Variants in IL1RAPL2 observed in about 807,000 individuals in gnomAD.
IL1RAPL2 encodes the protein X-linked interleukin-1 receptor accessory protein-like 2.
IL1RAPL2 carries 3 observed loss-of-function variants against 44.1 expected under a neutral mutation model. The observed-to-expected ratio is 0.07, with a 90% CI of 0.03 to 0.18. The LOEUF (loss-of-function observed/expected upper bound fraction) is 0.18, where lower values mean the gene tolerates loss of function less well. IL1RAPL2 is among the 10% of genes least tolerant of loss of function. IL1RAPL2 has a pLI of 1.00. For synonymous variants in IL1RAPL2, 181 were observed against 178.8 expected, an observed-to-expected ratio of 1.01 and a Z score of -0.10; for missense variants, 391 against 496.4, an observed-to-expected ratio of 0.79 and a Z score of 2.02.
At chrX:104,761,923 C>CCTTCTCCTTCTTCTT in intron 2 of IL1RAPL2, among the ~76,000 whole-genome samples, 1 of 30,812 alleles carries the variant, frequency 3.2e-5, no homozygotes, top group East Asian at 9.0e-4. Flanking sequence ...TTCTCCTTCT[C>CCTTCTCCTTCTTCTT]CTTCTTCTTC....
chrX:105,150,593 TTAGGCTGCCTCAGCCTTAGGG>T (rs2033218400), intron 2 of IL1RAPL2, among the ~76,000 whole-genome samples: 1 of 112,215 alleles, frequency 8.9e-6, no homozygotes, highest in Non-Finnish European at 1.9e-5. Context: ...CTGACAGTTC[TTAGGCTGCCTCAGCCTTAGGG>T]GAAAGAACTA....
At chrX:104,627,972 C>A (rs1929550451) in intron 1 of IL1RAPL2, among the ~76,000 whole-genome samples, 1 of 110,708 alleles carries the variant, frequency 9.0e-6, no homozygotes, top group South Asian at 3.8e-4. Context: ...CTTATTTGAC[C>A]AATTTTAAAT....
At chrX:105,500,795 T>C (rs2036389036) in intron 6 of IL1RAPL2, among the ~76,000 whole-genome samples, 1 of 111,866 alleles carries the variant, frequency 8.9e-6, no homozygotes. Flanking sequence ...CAAATTGTTT[T>C]ATTTTTGTTC....
intron 2 of IL1RAPL2, among the ~76,000 whole-genome samples, chrX:104,977,368 A>C (rs931877500): frequency 8.9e-6 from 1 of 112,095 alleles, no homozygotes; most frequent in Admixed American, 9.5e-5. Flanking sequence ...GGATCTGGAA[A>C]GGGCCTTTGG....
At chrX:104,927,618 C>T (rs945384391) in intron 2 of IL1RAPL2, among the ~76,000 whole-genome samples, 9 of 111,587 alleles carry the variant, frequency 8.1e-5, no homozygotes, top group African/African-American at 2.9e-4. Flanking sequence ...CAATATTATA[C>T]GAAATCTAAA....
intron 2 of IL1RAPL2, among the ~76,000 whole-genome samples, chrX:104,678,240 G>A (rs190287504): frequency 1.1e-4 from 12 of 112,418 alleles, no homozygotes; most frequent in African/African-American, 1.9e-4. Flanking sequence ...AATCTAGACC[G>A]TGGGATCCCA....
At chrX:105,385,991 C>T (rs1160961123) in intron 5 of IL1RAPL2, among the ~76,000 whole-genome samples, 1 of 111,263 alleles carries the variant, frequency 9.0e-6, no homozygotes, top group Non-Finnish European at 1.9e-5. Flanking sequence ...TTAACTTTTT[C>T]CAGGCTAGGA....
At position 105,004,431 on chromosome X, in the gene IL1RAPL2, CA is replaced by C. The variant is rs972160983; in HGVS notation, c.83-191036del. 4.6e-5 allele frequency among the ~76,000 whole-genome samples: 5 copies of C among 109,321 alleles called. No individual in the cohort carries two copies. In the East Asian group the frequency reaches 8.8e-4, roughly 19 times the overall value. 94.9% of individuals were successfully genotyped at this position (109,321 alleles called of 115,157 possible). On this transcript the variant is annotated intron_variant, in intron 2 of 10. Transcript: ENST00000372582. ...CGATGCATGAGGTAGACTTCTTTTT[CA>C]AAAAAAATTCCCATCTTGAGTCCTT... is the stretch of plus-strand genomic sequence containing the variant.
At chrX:104,738,019 T>C (rs1932044819) in intron 2 of IL1RAPL2, among the ~76,000 whole-genome samples, 1 of 112,236 alleles carries the variant, frequency 8.9e-6, no homozygotes, top group Non-Finnish European at 1.9e-5. Flanking sequence ...TGCAGTAAAA[T>C]ATCAGTCAGC....
chrX:104,698,643 G>A (rs1473650891), intron 2 of IL1RAPL2, among the ~76,000 whole-genome samples: 7 of 111,920 alleles, frequency 6.3e-5, no homozygotes, highest in East Asian at 2.8e-4. Flanking sequence ...AAATGCCTTC[G>A]GAAAGCAAGG....
chrX:105,173,604 A>G lies in IL1RAPL2; in HGVS notation c.83-21871A>G, dbSNP rs776831256. ...ACAAGAGGAGGCTGTGGCCTGGCCTAGGTAGTTGTGCCCTGGTAACCCATA... is the reference window on the plus strand; with the variant it reads ...ACAAGAGGAGGCTGTGGCCTGGCCTGGGTAGTTGTGCCCTGGTAACCCATA... On this transcript the variant is annotated intron_variant, in intron 2 of 10. Transcript: ENST00000372582. Among the ~76,000 whole-genome samples the G allele has an allele frequency of 4.5e-5, 5 of 111,486 alleles. No homozygotes were observed. The South Asian group carries it at 1.9e-3, about 43-fold the overall frequency.
chrX:105,332,755 G>A (rs1055269860), intron 5 of IL1RAPL2, among the ~76,000 whole-genome samples: 2 of 111,653 alleles, frequency 1.8e-5, no homozygotes, highest in Admixed American at 9.6e-5. Flanking sequence ...TTAAAAAGTA[G>A]TAGTCCAATT....
intron 2 of IL1RAPL2, among the ~76,000 whole-genome samples, chrX:104,961,437 C>G (rs995652859): frequency 1.8e-5 from 2 of 111,586 alleles, no homozygotes; most frequent in African/African-American, 6.5e-5. Context: ...GAAATGATAT[C>G]TGTTTTTCTG....
At chrX:105,447,394 TATATAAATATATAA>T (rs1346844582) in intron 5 of IL1RAPL2, among the ~76,000 whole-genome samples, 2 of 68,697 alleles carry the variant, frequency 2.9e-5, no homozygotes, top group Non-Finnish European at 4.7e-5. Flanking sequence ...TAAATATAAA[TATATAAATATATAA>T]ATATAAATAT....
intron 2 of IL1RAPL2, among the ~76,000 whole-genome samples, chrX:105,063,758 C>A (rs1359505906): frequency 8.9e-6 from 1 of 112,127 alleles, no homozygotes; most frequent in African/African-American, 3.2e-5. Flanking sequence ...TTAGGTGGCA[C>A]CCCAAGCCCA....
In IL1RAPL2 at chrX:105,195,590, G is replaced by A; in HGVS notation, c.198G>A (p.Thr66=). ...FYSYIRTNYS[T]AQSTGLRLMW... ...GTTATATTCGTACCAACTATAGCACGGCCCAGAGCACTGGGCTCAGGCTTA... is the reference window on the plus strand; with the variant it reads ...GTTATATTCGTACCAACTATAGCACAGCCCAGAGCACTGGGCTCAGGCTTA... The change falls in exon 3 of 11, where the codon ACG becomes ACA. Residue 66 remains threonine (T), a synonymous_variant. Coordinates refer to ENST00000372582, the MANE Select transcript of IL1RAPL2 (RefSeq NM_017416.2). The A allele has an allele frequency of 1.7e-6, 2 of 1,211,586 alleles. No homozygotes were observed. The highest frequency in any genetic ancestry group is 2.2e-6 in the Non-Finnish European group (2 of 895,228).
chrX:105,029,900 C>T (rs1433779742), intron 2 of IL1RAPL2, among the ~76,000 whole-genome samples: 1 of 111,434 alleles, frequency 9.0e-6, no homozygotes, highest in African/African-American at 3.3e-5. Context: ...TCTCCACATC[C>T]TCTCCAGAAC....
At chrX:104,910,653 C>T (rs1179255889) in intron 2 of IL1RAPL2, among the ~76,000 whole-genome samples, 1 of 111,377 alleles carries the variant, frequency 9.0e-6, no homozygotes, top group Admixed American at 9.6e-5. Context: ...ATTTCTAGAA[C>T]CTGATATAGT....
chrX:104,983,383 A>G (rs903334487), intron 2 of IL1RAPL2, among the ~76,000 whole-genome samples: 5 of 101,297 alleles, frequency 4.9e-5, no homozygotes, highest in Non-Finnish European at 9.8e-5. Flanking sequence ...TATATAGAAT[A>G]TTAGATATAT....
Sources: allele counts gnomAD v4.1 joint callset (sites outside exome capture counted in the v4.1 genomes callset), GRCh38; gene constraint gnomAD v4.1.1; transcripts MANE v1.5; gene names NCBI Gene and HGNC (gene_info 2026-07-23, HGNC 2026-07-21).